KLHL6: variants seen among roughly 807,000 people sequenced by gnomAD.
The protein encoded by KLHL6 is kelch like family member 6, also known as kelch-like protein 6.
KLHL6 carries 41 observed loss-of-function variants against 58.6 expected under a neutral mutation model. The ratio of observed to expected loss-of-function variants is 0.70; its 90% CI spans 0.55 to 0.91. The LOEUF is 0.91. Ranked by LOEUF, KLHL6 falls within the 40% of genes least tolerant of loss-of-function variation. The pLI is 0.00. For missense variants in KLHL6, 714 were observed against 805.6 expected, an observed-to-expected ratio of 0.89 and a Z score of 1.38; for synonymous variants, 338 against 322.7, an observed-to-expected ratio of 1.05 and a Z score of -0.51.
At chr3:183,529,378 C>T (rs1712084284) in intron 1 of KLHL6, among the ~76,000 whole-genome samples, 2 of 151,852 alleles carry the variant, frequency 1.3e-5, no homozygotes, top group South Asian at 4.1e-4. Context: ...AAGAATTTAT[C>T]ATGCTTCTTG....
At chr3:183,542,892 A>ATGGATGGATGGATGGG (rs1553813940) in intron 1 of KLHL6, among the ~76,000 whole-genome samples, 71 of 149,506 alleles carry the variant, frequency 4.7e-4, no homozygotes, top group Non-Finnish European at 4.1e-4. Context: ...GGATGGATGG[A>ATGGATGGATGGATGGG]TGGATGGATG....
chr3:183,555,267 A>G, intron 1 of KLHL6, 94 bp downstream of exon 1: 1 of 1,011,298 alleles, frequency 9.9e-7, no homozygotes. Context: ...AACCATAAAT[A>G]TCATGGCCAA....
Position 183,490,334 on chromosome 3 carries a change from A to C in KLHL6, c.*1593T>G, listed in dbSNP as rs1297025922. ...AGAATCTGTCGCTCCTGTGTAGGCCAGCTGTGCTCAGGTGTTTACTTTTTT... is the reference window on the plus strand; with the variant it reads ...AGAATCTGTCGCTCCTGTGTAGGCCCGCTGTGCTCAGGTGTTTACTTTTTT... On this transcript the variant is annotated 3_prime_UTR_variant, in exon 7 of 7. Transcript: ENST00000341319. The C allele has an allele frequency of 1.3e-5, 2 of 152,198 alleles. No individual in the cohort carries two copies. Among genetic ancestry groups the C allele is most frequent in the Non-Finnish European group, 2.9e-5 (2 of 68,028 alleles). 9.4% of individuals were successfully genotyped at this position (152,198 alleles called of 1,614,324 possible). A position where few individuals can be genotyped will look rare whatever the true frequency, so the allele number is the denominator to read the frequency against.
At chr3:183,512,096 T>C (rs1174275806) in intron 2 of KLHL6, among the ~76,000 whole-genome samples, 2 of 152,176 alleles carry the variant, frequency 1.3e-5, no homozygotes, top group Admixed American at 6.5e-5. Context: ...ACTAAAAATA[T>C]GCAACAAAGA....
rs905954216 is a variant in KLHL6 at position 183,491,140 on chromosome 3, A to T, written c.*787T>A. On this transcript the variant is annotated 3_prime_UTR_variant, in exon 7 of 7. Transcript: ENST00000341319. The stretch of plus-strand genomic sequence containing the variant: ...GTTTTTGTTTTGAAGACAGAGCTTC[A>T]CTTTTGTTTCCCGGGCTGCAGTGCA... 1.3e-5 allele frequency: 2 copies of T among 151,750 alleles called. No homozygotes were observed. 9.4% of individuals were successfully genotyped at this position (151,750 alleles called of 1,614,324 possible). A position where few individuals can be genotyped will look rare whatever the true frequency, so the allele number is the denominator to read the frequency against.
In KLHL6 at chr3:183,530,421, T is replaced by A. The variant is rs1216065980; in HGVS notation, c.294-2411A>T. Among the ~76,000 whole-genome samples, 3 of 152,234 alleles carry A rather than the reference T, an allele frequency of 2.0e-5. No homozygotes were observed. The South Asian group carries it at 6.2e-4, about 32-fold the overall frequency. ...AAGAAAGGACTAAACTGTGTTCTGC[T>A]GTTTTGCAAGAGGTGGAACTTGCAA... On this transcript the variant is annotated intron_variant, in intron 1 of 6. Transcript: ENST00000341319.
intron 2 of KLHL6, among the ~76,000 whole-genome samples, chr3:183,515,009 C>A (rs1371145608): frequency 6.6e-6 from 1 of 152,186 alleles, no homozygotes; most frequent in Non-Finnish European, 1.5e-5. Flanking sequence ...CATCTGGGAT[C>A]AATGGATCGA....
At chr3:183,552,489 C>T (rs1448220346) in intron 1 of KLHL6, among the ~76,000 whole-genome samples, 4 of 151,936 alleles carry the variant, frequency 2.6e-5, no homozygotes, top group Non-Finnish European at 5.9e-5. Flanking sequence ...GAGGCCGAGG[C>T]GGGTGGATCT....
At chr3:183,519,524 G>A (rs890669762) in intron 2 of KLHL6, among the ~76,000 whole-genome samples, 3 of 152,122 alleles carry the variant, frequency 2.0e-5, no homozygotes, top group Non-Finnish European at 4.4e-5. Context: ...ACTTTCCTGT[G>A]TCACTACCTA....
intron 3 of KLHL6, among the ~76,000 whole-genome samples, chr3:183,506,943 T>C (rs957555307): frequency 1.4e-4 from 21 of 152,102 alleles, no homozygotes; most frequent in African/African-American, 5.1e-4. Flanking sequence ...GTCAGCTAGA[T>C]GAAGAAGAGA....
At chr3:183,519,143 TC>T (rs1438138571) in intron 2 of KLHL6, among the ~76,000 whole-genome samples, 1 of 152,176 alleles carries the variant, frequency 6.6e-6, no homozygotes, top group Non-Finnish European at 1.5e-5. Flanking sequence ...TTGCTCCACG[TC>T]CCCTGTAGCT....
intron 1 of KLHL6, among the ~76,000 whole-genome samples, chr3:183,542,824 A>G (rs767970693): frequency 3.3e-5 from 5 of 152,060 alleles, no homozygotes; most frequent in Non-Finnish European, 5.9e-5. Flanking sequence ...CAGAGTAGGC[A>G]CTTAATAAAT....
intron 1 of KLHL6, among the ~76,000 whole-genome samples, chr3:183,554,393 C>T (rs2108703820): frequency 6.6e-6 from 1 of 152,282 alleles, no homozygotes; most frequent in South Asian, 2.1e-4. Context: ...ATTATGACAG[C>T]CCTGAAAGGT....
rs1717456109 is a variant in KLHL6, at chr3:183,488,382, A to C, written c.*3545T>G. Reference sequence around the variant, plus strand: ...TTCCTTCCTTAGTTCCTTGCCTAGAATACTCCCTTACCCTTATTCTCCCTC... The same window carrying C: ...TTCCTTCCTTAGTTCCTTGCCTAGACTACTCCCTTACCCTTATTCTCCCTC... On this transcript the variant is annotated 3_prime_UTR_variant, in exon 7 of 7. Transcript: ENST00000341319. 1 of 152,242 alleles carries C rather than the reference A, an allele frequency of 6.6e-6. No individual in the cohort carries two copies. Among genetic ancestry groups the C allele is most frequent in the African/African-American group, 2.4e-5 (1 of 41,442 alleles). 9.4% of individuals were successfully genotyped at this position (152,242 alleles called of 1,614,324 possible).
In KLHL6 at chr3:183,499,714, G is replaced by A; in HGVS notation, c.1023C>T (p.Asp341=). ...ERFVAEVTCL[D]PLRRSRLEVA... ...CCTCCAGGCGGCTGCGCCTCAGGGG[G>A]TCCAGGCAGGTCACCTCTGCCACAA... The change falls in exon 4 of 7, where the codon GAC becomes GAT. Residue 341 remains aspartate (D), a synonymous_variant. Coordinates refer to ENST00000341319, the MANE Select transcript of KLHL6 (RefSeq NM_130446.4). This position sits in a 1 kb window ranked among gnomAD's most constrained non-coding sequence, Gnocchi z 4.6. 3 of 1,611,266 alleles carry A rather than the reference G, an allele frequency of 1.9e-6. No homozygotes were observed. The highest frequency in any genetic ancestry group is 1.1e-5 in the South Asian group (1 of 90,078).
intron 2 of KLHL6, among the ~76,000 whole-genome samples, chr3:183,524,417 G>A (rs1041201843): frequency 1.3e-5 from 2 of 152,162 alleles, no homozygotes; most frequent in African/African-American, 4.8e-5. Flanking sequence ...TTCTCCTCAT[G>A]ATTGGCCAAT....
At chr3:183,546,905 A>G (rs1418341347) in intron 1 of KLHL6, among the ~76,000 whole-genome samples, 2 of 133,590 alleles carry the variant, frequency 1.5e-5, no homozygotes, top group Non-Finnish European at 3.1e-5. Context: ...CCCCAGTGCC[A>G]TAAGTCTTTT....
chr3:183,512,401 T>G lies in KLHL6; in HGVS notation c.460-3893A>C, dbSNP rs545187786. On this transcript the variant is annotated intron_variant, in intron 2 of 6. Coordinates refer to ENST00000341319, the MANE Select transcript of KLHL6 (RefSeq NM_130446.4). ...AGGTGCAATAATAGTTTCATGTTTA[T>G]GTTTAAGAAGAATCCTTATCTTTTA... Among the ~76,000 whole-genome samples the G allele has an allele frequency of 5.1e-4, 77 of 152,364 alleles. 2 individuals carry two copies. The South Asian group carries it at 0.015, about 30-fold the overall frequency.
chr3:183,539,216 C>CT (rs11396755), intron 1 of KLHL6, among the ~76,000 whole-genome samples: 5,655 of 152,260 alleles, frequency 0.037, 331 homozygotes, highest in African/African-American at 0.13. Context: ...AGATATGTTT[C>CT]GGAAAGTCCT....
Sources: allele counts gnomAD v4.1 joint callset (sites outside exome capture counted in the v4.1 genomes callset), GRCh38; gene constraint gnomAD v4.1.1; non-coding constraint Gnocchi (gnomAD v3.1); transcripts MANE v1.5; gene names NCBI Gene and HGNC (gene_info 2026-07-23, HGNC 2026-07-21).